Variants in SPMIP2 observed in about 807,000 individuals in gnomAD.
SPMIP2 encodes the protein protein SPMIP2.
At chr4:158,943,444 A>C in the SPMIP2 span, among the ~76,000 whole-genome samples, 1 of 152,204 alleles carries the variant, frequency 6.6e-6, no homozygotes, top group South Asian at 2.1e-4. Flanking sequence ...ACCCCTGCTC[A>C]CTTCTCATTC....
the SPMIP2 span, among the ~76,000 whole-genome samples, chr4:158,966,145 G>C: frequency 6.6e-6 from 1 of 152,096 alleles, no homozygotes; most frequent in African/African-American, 2.4e-5. Flanking sequence ...ACCATGTAGT[G>C]GGGGACCCCT....
At chr4:158,931,013 T>C in the SPMIP2 span, among the ~76,000 whole-genome samples, 19 of 152,206 alleles carry the variant, frequency 1.2e-4, no homozygotes, top group African/African-American at 3.9e-4. Flanking sequence ...CTTTCTTCCC[T>C]TGTCTCTCTC....
At chr4:159,050,478 TG>T in the SPMIP2 span, among the ~76,000 whole-genome samples, 1 of 151,982 alleles carries the variant, frequency 6.6e-6, no homozygotes, top group African/African-American at 2.4e-5. Flanking sequence ...GCCTTAAGAT[TG>T]GATAAATGTA....
chr4:158,962,870 A>G, the SPMIP2 span, among the ~76,000 whole-genome samples: 1 of 152,254 alleles, frequency 6.6e-6, no homozygotes. Context: ...GTTAAAGGAA[A>G]AAAAAAGTTC....
chr4:158,902,286 C>T, the SPMIP2 span, among the ~76,000 whole-genome samples: 62 of 152,284 alleles, frequency 4.1e-4, no homozygotes, highest in African/African-American at 1.4e-3. Flanking sequence ...CCACTACAGA[C>T]CCTGTTTGCC....
chr4:158,975,975 C>G, the SPMIP2 span, among the ~76,000 whole-genome samples: 1 of 152,084 alleles, frequency 6.6e-6, no homozygotes, highest in Non-Finnish European at 1.5e-5. Flanking sequence ...CTTATTTCCT[C>G]GAACAGTGGT....
At chr4:158,996,862 G>A in the SPMIP2 span, among the ~76,000 whole-genome samples, 11 of 152,142 alleles carry the variant, frequency 7.2e-5, no homozygotes, top group Admixed American at 6.5e-4. Flanking sequence ...TGAGTCATTC[G>A]TCTCTTCCTA....
chr4:158,977,119 T>C, the SPMIP2 span, among the ~76,000 whole-genome samples: 1 of 152,220 alleles, frequency 6.6e-6, no homozygotes, highest in Non-Finnish European at 1.5e-5. Context: ...TAAAATGAGT[T>C]AAGGAGGAGT....
chr4:159,041,562 G>T, the SPMIP2 span, among the ~76,000 whole-genome samples: 1 of 152,120 alleles, frequency 6.6e-6, no homozygotes, highest in Non-Finnish European at 1.5e-5. Flanking sequence ...GTTGAAAATA[G>T]AACCACCACC....
chr4:158,960,423 A>G, the SPMIP2 span: 5 of 790,300 alleles, frequency 6.3e-6, no homozygotes, highest in Admixed American at 1.1e-4. Flanking sequence ...TTTCTAGTCA[A>G]AAAAGGAAGT....
chr4:159,002,056 G>A, the SPMIP2 span, among the ~76,000 whole-genome samples: 1 of 151,982 alleles, frequency 6.6e-6, no homozygotes, highest in Non-Finnish European at 1.5e-5. Context: ...GTTTTGATTT[G>A]CATTTCTCTA....
the SPMIP2 span, among the ~76,000 whole-genome samples, chr4:158,924,585 T>G: frequency 1.3e-5 from 2 of 152,146 alleles, no homozygotes; most frequent in African/African-American, 2.4e-5. Context: ...TTTCACCATG[T>G]TGGTTAGGCT....
chr4:158,991,326 C>A, the SPMIP2 span, among the ~76,000 whole-genome samples: 1 of 152,162 alleles, frequency 6.6e-6, no homozygotes, highest in African/African-American at 2.4e-5. Flanking sequence ...TGCCTCAGTC[C>A]TTTCTGGCTC....
chr4:158,960,371 C>A, the SPMIP2 span: 1 of 1,388,364 alleles, frequency 7.2e-7, no homozygotes, highest in Admixed American at 2.0e-5. Context: ...ATTAATGTAC[C>A]ATAATTCCAA....
chr4:159,045,546 T>A, the SPMIP2 span, among the ~76,000 whole-genome samples: 1 of 152,176 alleles, frequency 6.6e-6, no homozygotes, highest in Non-Finnish European at 1.5e-5. Flanking sequence ...AGTTTTAAAC[T>A]TCTGCACAAA....
the SPMIP2 span, chr4:159,007,134 T>C: frequency 1.2e-5 from 8 of 680,190 alleles, no homozygotes; most frequent in Admixed American, 1.3e-4. Flanking sequence ...CCAAGCCGTG[T>C]GGGGTGCGCC....
At chr4:158,954,281 A>T in the SPMIP2 span, among the ~76,000 whole-genome samples, 1 of 152,098 alleles carries the variant, frequency 6.6e-6, no homozygotes, top group Admixed American at 6.6e-5. Flanking sequence ...GTCTTACAAG[A>T]TCTGATGGTT....
At chr4:159,028,721 A>T in the SPMIP2 span, among the ~76,000 whole-genome samples, 1 of 152,214 alleles carries the variant, frequency 6.6e-6, no homozygotes. Flanking sequence ...AAAAATATAT[A>T]ACCATGCTCT....
the SPMIP2 span, chr4:158,909,560 G>A: frequency 6.6e-6 from 1 of 151,356 alleles, no homozygotes; most frequent in African/African-American, 2.4e-5. Flanking sequence ...CAATGGATGA[G>A]GGGTACTGTG....
Sources: gnomAD v4.1 joint callset for allele counts (sites outside exome capture counted in the v4.1 genomes callset) on GRCh38, gnomAD v4.1.1 for gene constraint, MANE v1.5 for transcripts, NCBI Gene and HGNC (gene_info 2026-07-23, HGNC 2026-07-21) for gene names.